GAPDH: variants seen among roughly 807,000 people sequenced by gnomAD.
The protein encoded by GAPDH is OCAS, p38 component.
Under a neutral mutation model 31.2 loss-of-function variants are expected in GAPDH, and 13 were observed. That is an observed-to-expected ratio of 0.42 (90% CI 0.27 to 0.66). The LOEUF is 0.66. Among genes scored for constraint, GAPDH ranks in the 30% least tolerant of loss-of-function variants. GAPDH has a pLI of 0.26. For synonymous variants in GAPDH, 211 were observed against 166.9 expected, an observed-to-expected ratio of 1.26 and a Z score of -2.04; for missense variants, 300 against 443.7, an observed-to-expected ratio of 0.68 and a Z score of 2.91.
chr12:6,535,543 G>T (rs1946444953), intron 2 of GAPDH: 1 of 747,300 alleles, frequency 1.3e-6, no homozygotes, highest in Non-Finnish European at 1.6e-6. Context: ...CTGTGGCATG[G>T]TGCCAAGCCG....
Position 6,537,843 on chromosome 12 carries a change from T to G in GAPDH, c.785T>G (p.Val262Gly). 1 of 1,612,530 alleles carries G rather than the reference T, an allele frequency of 6.2e-7. No individual in the cohort carries two copies. ...PAKYDDIKKV[V>G]KQASEGPLKG... ...AAATATGATGACATCAAGAAGGTGG[T>G]GAAGCAGGCGTCGGAGGGCCCCCTC... Residue 262 changes from valine (V) to glycine (G), a missense_variant, in exon 8 of 9, where the codon GTG becomes GGG. Coordinates refer to ENST00000229239, the MANE Select transcript of GAPDH (RefSeq NM_002046.7). This position sits in a 1 kb window ranked among gnomAD's most constrained non-coding sequence, Gnocchi z 4.9.
At position 6,537,515 on chromosome 12, in the gene GAPDH, T is replaced by C. The variant is rs1182928285; in HGVS notation, c.526-69T>C. ...GGGGACTGGCTTTCCCATAATTTCC[T>C]TTCAAGGTGGGGAGGGAGGTAGAGG... is the stretch of plus-strand genomic sequence containing the variant. On this transcript the variant is annotated intron_variant, in intron 7 of 8. Coordinates refer to ENST00000229239, the MANE Select transcript of GAPDH (RefSeq NM_002046.7). This position sits in a 1 kb window ranked among gnomAD's most constrained non-coding sequence, Gnocchi z 4.9. The C allele has an allele frequency of 1.3e-6, 2 of 1,586,456 alleles. No individual in the cohort carries two copies. Among genetic ancestry groups the C allele is most frequent in the African/African-American group, 1.3e-5 (1 of 74,270 alleles).
At chr12:6,538,072 G>A in intron 8 of GAPDH, 29 bp from the exon 9 acceptor site, 1 of 1,599,348 alleles carries the variant, frequency 6.3e-7, no homozygotes, top group Non-Finnish European at 8.5e-7. Flanking sequence ...CTCAGAAAAA[G>A]GGCCCTGACA....
In GAPDH at chr12:6,534,811, C is replaced by T. The variant is rs1053678033; in HGVS notation, c.-22C>T. 3.1e-6 allele frequency: 5 copies of T among 1,611,944 alleles called. No individual in the cohort carries two copies. The African/African-American group carries it at 5.3e-5, about 17-fold the overall frequency. ...TCACTGTTCTCTCCCTCCGCGCAGC[C>T]GAGCCACATCGCTCAGACACCATGG... On this transcript the variant is annotated splice_region_variant and 5_prime_UTR_variant, in exon 2 of 9. Coordinates refer to ENST00000229239, the MANE Select transcript of GAPDH (RefSeq NM_002046.7).
At chr12:6,535,151 G>A in intron 2 of GAPDH, 1 of 1,035,200 alleles carries the variant, frequency 9.7e-7, no homozygotes, top group East Asian at 3.5e-5. Context: ...CTAGGTGGGG[G>A]ACGCTTTCTT....
intron 2 of GAPDH, among the ~76,000 whole-genome samples, chr12:6,536,291 C>A (rs1397849476): frequency 5.3e-5 from 8 of 152,182 alleles, no homozygotes; most frequent in African/African-American, 1.7e-4. Context: ...TGTTGGGCAG[C>A]CCTGGAGCCT....
At chr12:6,535,412 G>A in intron 2 of GAPDH, 1 of 988,850 alleles carries the variant, frequency 1.0e-6, no homozygotes, top group Non-Finnish European at 1.2e-6. Flanking sequence ...GTCAGGTGGA[G>A]CGAGGCTAGC....
chr12:6,535,602 A>G, intron 2 of GAPDH: 2 of 295,344 alleles, frequency 6.8e-6, no homozygotes, highest in Non-Finnish European at 1.0e-5. Flanking sequence ...CCACCGCAAA[A>G]TGGCCCCTCT....
chr12:6,534,552 C>A lies in GAPDH; in HGVS notation c.-41C>A, dbSNP rs551180067. 5.8e-6 allele frequency: 3 copies of A among 517,642 alleles called. No homozygotes were observed. Among genetic ancestry groups the A allele is most frequent in the Non-Finnish European group, 1.0e-5 (3 of 289,762 alleles). 32.1% of individuals were successfully genotyped at this position (517,642 alleles called of 1,614,324 possible). On this transcript the variant is annotated 5_prime_UTR_variant, in exon 1 of 9. Coordinates refer to ENST00000229239, the MANE Select transcript of GAPDH (RefSeq NM_002046.7). ...CCTCCTGTTCGACAGTCAGCCGCAT[C>A]TTCTTTTGCGTCGCCAGGTGAAGAC... is the stretch of plus-strand genomic sequence containing the variant.
Position 6,537,579 on chromosome 12 carries a change from T to C in GAPDH, c.526-5T>C. On this transcript the variant is annotated splice_region_variant and splice_polypyrimidine_tract_variant and intron_variant, in intron 7 of 8. Transcript: ENST00000229239. The surrounding 1 kb of genome is among the most constrained non-coding windows in gnomAD (Gnocchi z 4.9). ...GTACGCTGCAGGGCCTCACTCCTTT[T>C]GCAGACCACAGTCCATGCCATCACT... is the stretch of plus-strand genomic sequence containing the variant. The C allele has an allele frequency of 6.2e-7, 1 of 1,609,938 alleles. No individual in the cohort carries two copies.
At chr12:6,535,498 T>G (rs1374695639) in intron 2 of GAPDH, 2 of 952,808 alleles carry the variant, frequency 2.1e-6, no homozygotes, top group Non-Finnish European at 2.5e-6. Flanking sequence ...TTTATGGAGG[T>G]CCTCTTGTGT....
rs191738457 is a variant in GAPDH at position 6,537,775 on chromosome 12, C to T, written c.717C>T (p.Asn239=). 3.8e-5 allele frequency: 61 copies of T among 1,611,744 alleles called. No individual in the cohort carries two copies. The South Asian group carries it at 4.0e-4, about 10-fold the overall frequency. The change falls in exon 8 of 9, where the codon AAC becomes AAT. Residue 239 remains asparagine, a synonymous_variant. Coordinates refer to ENST00000229239, the MANE Select transcript of GAPDH (RefSeq NM_002046.7). This position sits in a 1 kb window ranked among gnomAD's most constrained non-coding sequence, Gnocchi z 4.9. ...TGGCCTTCCGTGTCCCCACTGCCAA[C>T]GTGTCAGTGGTGGACCTGACCTGCC... ...TGMAFRVPTA[N]VSVVDLTCRL... is the part of the protein sequence containing the mutation.
At position 6,538,299 on chromosome 12, in the gene GAPDH, C is replaced by T. The variant is rs759172931; in HGVS notation, c.*129C>T. 9 of 764,536 alleles carry T rather than the reference C, an allele frequency of 1.2e-5. No individual in the cohort carries two copies. Among genetic ancestry groups the T allele is most frequent in the Non-Finnish European group, 2.0e-5 (9 of 454,226 alleles). The allele number at this position is 764,536 out of a possible 1,614,324, so 47.4% of individuals were successfully genotyped here. On this transcript the variant is annotated 3_prime_UTR_variant, in exon 9 of 9. Transcript: ENST00000229239. Reference sequence around the variant, plus strand: ...CCTCCTCACAGTTGCCATGTAGACCCCTTGAAGAGGGGAGGGGCCTAGGGA... The same window carrying T: ...CCTCCTCACAGTTGCCATGTAGACCTCTTGAAGAGGGGAGGGGCCTAGGGA...
rs563194166 is a variant in GAPDH at position 6,536,646 on chromosome 12, G to A, written c.130-38G>A. 8.7e-6 allele frequency: 14 copies of A among 1,605,480 alleles called. No homozygotes were observed. In the East Asian group the frequency reaches 1.1e-4, roughly 13 times the overall value. On this transcript the variant is annotated intron_variant, in intron 3 of 8. Coordinates refer to ENST00000229239, the MANE Select transcript of GAPDH (RefSeq NM_002046.7). ...CTGGTGTGGGAGGAGCCACCTGGCT[G>A]ATGGGCAGCCCCTTCATACCCTCAC...
At chr12:6,535,511 CCT>C in intron 2 of GAPDH, 3 of 928,890 alleles carry the variant, frequency 3.2e-6, no homozygotes, top group Non-Finnish European at 3.9e-6. Context: ...TCTTGTGTCC[CCT>C]CCCCGCAGAG....
chr12:6,537,133 C>A lies in GAPDH; in HGVS notation c.360C>A (p.Ile120=). The change falls in exon 6 of 9, where the codon ATC becomes ATA. Residue 120 remains isoleucine, a synonymous_variant. Transcript: ENST00000229239. The surrounding 1 kb of genome is among the most constrained non-coding windows in gnomAD (Gnocchi z 4.9). ...TGCAGGGGGGAGCCAAAAGGGTCAT[C>A]ATCTCTGCCCCCTCTGCTGATGCCC... The part of the protein sequence containing the change: ...AHLQGGAKRV[I]ISAPSADAPM... 6.2e-7 allele frequency: 1 copy of A among 1,613,918 alleles called. No homozygotes were observed. The highest frequency in any genetic ancestry group is 1.1e-5 in the South Asian group (1 of 91,088).
In GAPDH at chr12:6,536,915, C is replaced by G. The variant is rs747569865; in HGVS notation, c.237-5C>G. On this transcript the variant is annotated splice_polypyrimidine_tract_variant and splice_region_variant and intron_variant, in intron 4 of 8. Transcript: ENST00000229239. ...CCTGTCCCCATCTCCCCCCCACCCC[C>G]ATAGGCGAGATCCCTCCAAAATCAA... The G allele has an allele frequency of 1.9e-6, 3 of 1,612,512 alleles. No individual in the cohort carries two copies. Among genetic ancestry groups the G allele is most frequent in the African/African-American group, 2.7e-5 (2 of 74,838 alleles).
intron 2 of GAPDH, among the ~76,000 whole-genome samples, chr12:6,536,146 G>C (rs1459119449): frequency 6.6e-6 from 1 of 152,218 alleles, no homozygotes; most frequent in African/African-American, 2.4e-5. Flanking sequence ...GGGTGCAGCT[G>C]AGCTAGGCAG....
At chr12:6,535,637 C>T (rs1350716918) in intron 2 of GAPDH, among the ~76,000 whole-genome samples, 1 of 152,074 alleles carries the variant, frequency 6.6e-6, no homozygotes, top group Non-Finnish European at 1.5e-5. Flanking sequence ...CCTGCAGCGC[C>T]GGCTCACCTC....
Sources: allele counts gnomAD v4.1 joint callset (sites outside exome capture counted in the v4.1 genomes callset), GRCh38; gene constraint gnomAD v4.1.1; non-coding constraint Gnocchi (gnomAD v3.1); transcripts MANE v1.5; gene names NCBI Gene and HGNC (gene_info 2026-07-23, HGNC 2026-07-21).